PCDH7: variants seen among roughly 807,000 people sequenced by gnomAD.
The protein encoded by PCDH7 is protocadherin-7.
A neutral mutation model predicts 58.9 loss-of-function variants in PCDH7; 17 were observed. That is an observed-to-expected ratio of 0.29 (90% CI 0.20 to 0.43). The LOEUF (loss-of-function observed/expected upper bound fraction) is 0.43, where lower values mean the gene tolerates loss of function less well. Ranked by LOEUF, PCDH7 falls within the 20% of genes least tolerant of loss-of-function variation. The pLI is 1.00. For missense variants in PCDH7, 1,274 were observed against 1,441.0 expected (o/e 0.88, Z 1.88); for synonymous variants, 664 against 616.4 (o/e 1.08, Z -1.14).
intron 2 of PCDH7, among the ~76,000 whole-genome samples, chr4:30,943,527 C>T (rs1195479725): frequency 6.6e-6 from 1 of 152,086 alleles, no homozygotes; most frequent in African/African-American, 2.4e-5. Context: ...CCATGTTCTT[C>T]CCATTACATC....
chr4:30,742,528 A>C (rs539374408), intron 1 of PCDH7, among the ~76,000 whole-genome samples: 1 of 152,312 alleles, frequency 6.6e-6, no homozygotes, highest in South Asian at 2.1e-4. Flanking sequence ...CTCTTTAGAA[A>C]TGCTGGGTTC....
chr4:31,062,549 G>T (rs1757770824), intron 3 of PCDH7, among the ~76,000 whole-genome samples: 1 of 151,670 alleles, frequency 6.6e-6, no homozygotes, highest in African/African-American at 2.4e-5. Context: ...AGTTGTAGAG[G>T]TGCCTGCCTC....
chr4:30,875,894 A>G (rs139371024), intron 1 of PCDH7, among the ~76,000 whole-genome samples: 36 of 152,240 alleles, frequency 2.4e-4, no homozygotes, highest in Non-Finnish European at 4.4e-4. Context: ...GGATCTGTGA[A>G]CGTTTTCTTC....
intron 1 of PCDH7, among the ~76,000 whole-genome samples, chr4:30,852,829 G>GAA (rs58210433): frequency 0.038 from 2,819 of 74,482 alleles, 137 homozygotes; most frequent in African/African-American, 0.12. Context: ...TCAAGCACAG[G>GAA]AAAAAAAAAA....
chr4:31,142,338 T>A, intron 3 of PCDH7, 135 bp from the exon 3 acceptor site: 1 of 791,704 alleles, frequency 1.3e-6, no homozygotes, highest in Non-Finnish European at 1.8e-6. Context: ...TATGGAATGA[T>A]GAGCTAGAGG....
intron 2 of PCDH7, among the ~76,000 whole-genome samples, chr4:30,922,521 A>G (rs567521180): frequency 6.6e-6 from 1 of 152,156 alleles, no homozygotes; most frequent in Non-Finnish European, 1.5e-5. Context: ...AAAGATAATT[A>G]TATATGACAA....
chr4:30,964,654 A>G (rs1034286738), intron 3 of PCDH7, among the ~76,000 whole-genome samples: 1 of 149,084 alleles, frequency 6.7e-6, no homozygotes, highest in African/African-American at 2.5e-5. Context: ...CAGAAATAGT[A>G]GCAGCAGATG....
chr4:31,120,441 C>CTTT (rs138878762), intron 3 of PCDH7, among the ~76,000 whole-genome samples: 1 of 107,994 alleles, frequency 9.3e-6, no homozygotes, highest in Non-Finnish European at 1.9e-5. Context: ...CTATTTTTTT[C>CTTT]TTTTTTTTTT....
At chr4:30,944,211 G>A (rs944976181) in intron 2 of PCDH7, among the ~76,000 whole-genome samples, 8 of 152,108 alleles carry the variant, frequency 5.3e-5, no homozygotes, top group Non-Finnish European at 1.0e-4. Context: ...AATTCAGAGC[G>A]GATAGGATAA....
intron 3 of PCDH7, among the ~76,000 whole-genome samples, chr4:31,055,139 C>A (rs1578670565): frequency 6.6e-6 from 1 of 152,232 alleles, no homozygotes; most frequent in East Asian, 1.9e-4. Flanking sequence ...TGCCTTTGCT[C>A]CTTTTCTCCT....
At chr4:30,726,879 T>C (rs940606535) in intron 1 of PCDH7, among the ~76,000 whole-genome samples, 15 of 151,964 alleles carry the variant, frequency 9.9e-5, no homozygotes, top group African/African-American at 3.4e-4. Context: ...TTACATTCCG[T>C]TTTGACATCT....
intron 1 of PCDH7, among the ~76,000 whole-genome samples, chr4:30,763,813 ATACT>A (rs1720352184): frequency 1.3e-5 from 2 of 152,304 alleles, no homozygotes; most frequent in South Asian, 2.1e-4. Flanking sequence ...TTTACTATAA[ATACT>A]TACTTGCATT....
At chr4:30,992,850 G>A (rs1343176210) in intron 3 of PCDH7, among the ~76,000 whole-genome samples, 1 of 140,390 alleles carries the variant, frequency 7.1e-6, no homozygotes, top group Non-Finnish European at 1.5e-5. Flanking sequence ...CAAGGCTGGA[G>A]TGCAATGGCA....
At chr4:31,007,325 A>G (rs963252657) in intron 3 of PCDH7, among the ~76,000 whole-genome samples, 1 of 152,216 alleles carries the variant, frequency 6.6e-6, no homozygotes, top group African/African-American at 2.4e-5. Flanking sequence ...ACATACTGTA[A>G]TCAATATTAG....
intron 1 of PCDH7, among the ~76,000 whole-genome samples, chr4:30,904,663 C>G (rs28532197): frequency 6.6e-6 from 1 of 152,112 alleles, no homozygotes; most frequent in Non-Finnish European, 1.5e-5. Context: ...CTGACTTGTA[C>G]TAAGTAATAA....
chr4:31,027,700 C>T (rs539746548), intron 3 of PCDH7, among the ~76,000 whole-genome samples: 8 of 152,160 alleles, frequency 5.3e-5, no homozygotes, highest in Non-Finnish European at 1.2e-4. Flanking sequence ...GGATTACAGG[C>T]GTGAGCTACT....
At chr4:30,992,761 T>C (rs1241297111) in intron 3 of PCDH7, among the ~76,000 whole-genome samples, 1 of 150,876 alleles carries the variant, frequency 6.6e-6, no homozygotes, top group Non-Finnish European at 1.5e-5. Flanking sequence ...CTGTTGCTAA[T>C]GTCAATGGCC....
At chr4:30,789,190 G>GT (rs773961177) in intron 1 of PCDH7, among the ~76,000 whole-genome samples, 3 of 152,122 alleles carry the variant, frequency 2.0e-5, no homozygotes, top group Non-Finnish European at 4.4e-5. Flanking sequence ...CACTCAATTT[G>GT]TAACAGAGGA....
At chr4:30,771,744 T>A (rs908042294) in intron 1 of PCDH7, among the ~76,000 whole-genome samples, 1 of 152,204 alleles carries the variant, frequency 6.6e-6, no homozygotes, top group Non-Finnish European at 1.5e-5. Context: ...GAAATTATCC[T>A]CGGTTATTAA....
Sources: gnomAD v4.1 joint callset for allele counts (sites outside exome capture counted in the v4.1 genomes callset) on GRCh38, gnomAD v4.1.1 for gene constraint, MANE v1.5 for transcripts, NCBI Gene and HGNC (gene_info 2026-07-23, HGNC 2026-07-21) for gene names.